WWOX: variants seen among roughly 807,000 people sequenced by gnomAD.
WWOX encodes WW domain containing oxidoreductase, also known as WW domain-containing oxidoreductase.
A neutral mutation model predicts 46.2 loss-of-function variants in WWOX; 69 were observed. The observed-to-expected ratio is 1.49, with a 90% CI of 1.23 to 1.82. The LOEUF is 1.82. WWOX is among the 40% of genes most tolerant of loss of function. The pLI is 0.00. For missense variants in WWOX, 919 were observed against 542.6 expected, an observed-to-expected ratio of 1.69 and a Z score of -6.89; for synonymous variants, 359 against 202.6, an observed-to-expected ratio of 1.77 and a Z score of -6.56.
At chr16:78,530,162 G>A (rs2043586893) in intron 8 of WWOX, among the ~76,000 whole-genome samples, 1 of 152,166 alleles carries the variant, frequency 6.6e-6, no homozygotes, top group African/African-American at 2.4e-5. Flanking sequence ...CCCTGGGATA[G>A]CATCTGGCAG....
rs76227623 is a variant in WWOX, at chr16:78,800,729, C to T, written c.1056+367977C>T. Among the ~76,000 whole-genome samples, 1,510 of 152,226 alleles carry T rather than the reference C, an allele frequency of 9.9e-3. 25 individuals are homozygous for T. The highest frequency in any genetic ancestry group is 0.034 in the African/African-American group (1,426 of 41,518). On this transcript the variant is annotated intron_variant, in intron 8 of 8. Coordinates refer to ENST00000566780, the MANE Select transcript of WWOX (RefSeq NM_016373.4). ...CCTCTTTTCAGAATGAGGGAATTGT[C>T]TAAAATCCCAAATGCATTCTTAGCT...
At chr16:78,327,784 A>T (rs79229045) in intron 5 of WWOX, among the ~76,000 whole-genome samples, 3 of 151,952 alleles carry the variant, frequency 2.0e-5, no homozygotes, top group Non-Finnish European at 4.4e-5. Context: ...TCTTTGTACA[A>T]AGTGCTTCTG....
chr16:79,132,602 T>A (rs1352874677), intron 8 of WWOX, among the ~76,000 whole-genome samples: 1 of 152,192 alleles, frequency 6.6e-6, no homozygotes, highest in African/African-American at 2.4e-5. Flanking sequence ...TCTGTGTCTC[T>A]CTTTTTCCCT....
intron 6 of WWOX, among the ~76,000 whole-genome samples, chr16:78,412,100 T>C (rs902964318): frequency 2.0e-5 from 3 of 152,112 alleles, no homozygotes; most frequent in Non-Finnish European, 2.9e-5. Flanking sequence ...AGTGCCTACC[T>C]CTGTGGAGAA....
chr16:78,136,491 G>T (rs950190025), intron 4 of WWOX, among the ~76,000 whole-genome samples: 6 of 152,130 alleles, frequency 3.9e-5, no homozygotes, highest in African/African-American at 1.4e-4. Context: ...GGGCCTGTGA[G>T]CTCTTTCAAA....
intron 8 of WWOX, among the ~76,000 whole-genome samples, chr16:78,695,538 C>G (rs544699097): frequency 6.6e-6 from 1 of 152,156 alleles, no homozygotes; most frequent in African/African-American, 2.4e-5. Context: ...GCAGATCCCA[C>G]CTGTGAGGCT....
chr16:78,386,805 C>G (rs1431370422), intron 5 of WWOX, 55 bp from the exon 6 acceptor site: 6 of 1,481,110 alleles, frequency 4.1e-6, no homozygotes, highest in East Asian at 2.3e-5. Flanking sequence ...TAACTTGATA[C>G]CATGAACTAC....
intron 8 of WWOX, among the ~76,000 whole-genome samples, chr16:78,926,031 A>G (rs1460512409): frequency 6.6e-6 from 1 of 152,206 alleles, no homozygotes; most frequent in African/African-American, 2.4e-5. Context: ...TCTATGAACA[A>G]TTCTGGAGAC....
At chr16:78,607,123 GATTTT>G (rs2151625540) in intron 8 of WWOX, among the ~76,000 whole-genome samples, 1 of 152,002 alleles carries the variant, frequency 6.6e-6, no homozygotes, top group South Asian at 2.1e-4. Context: ...ATGAAAAGTT[GATTTT>G]ATTAATTAGT....
intron 8 of WWOX, among the ~76,000 whole-genome samples, chr16:78,618,216 C>G (rs374975310): frequency 2.0e-5 from 3 of 152,214 alleles, no homozygotes; most frequent in African/African-American, 7.2e-5. Flanking sequence ...GCTCTCCAAC[C>G]TCTGTCCATC....
intron 8 of WWOX, among the ~76,000 whole-genome samples, chr16:78,674,358 C>T (rs942184092): frequency 2.7e-5 from 4 of 150,658 alleles, no homozygotes; most frequent in Non-Finnish European, 4.4e-5. Context: ...GATCTTGGCT[C>T]ACTGCAACCT....
intron 8 of WWOX, among the ~76,000 whole-genome samples, chr16:78,687,483 A>C (rs1012340715): frequency 3.9e-5 from 6 of 152,200 alleles, no homozygotes; most frequent in African/African-American, 1.4e-4. Flanking sequence ...ACACCATTTT[A>C]TGATGCAGCT....
intron 8 of WWOX, among the ~76,000 whole-genome samples, chr16:79,048,674 A>C (rs1243848386): frequency 6.6e-6 from 1 of 152,178 alleles, no homozygotes; most frequent in Non-Finnish European, 1.5e-5. Context: ...ATTTGAGTAA[A>C]TTAAACTTTG....
intron 8 of WWOX, among the ~76,000 whole-genome samples, chr16:78,964,360 C>T (rs537926317): frequency 6.6e-6 from 1 of 152,226 alleles, no homozygotes; most frequent in East Asian, 1.9e-4. Flanking sequence ...AGATGAGGAG[C>T]TCGTTGGGAA....
At chr16:78,485,649 G>T (rs920618449) in intron 8 of WWOX, among the ~76,000 whole-genome samples, 2 of 152,184 alleles carry the variant, frequency 1.3e-5, no homozygotes, top group Non-Finnish European at 2.9e-5. Flanking sequence ...TGCCCGCCGC[G>T]TGAAGGACAT....
rs2081049486 is a variant in WWOX, at chr16:78,343,517, G to T, written c.517-43343G>T. On this transcript the variant is annotated intron_variant, in intron 5 of 8. Coordinates refer to ENST00000566780, the MANE Select transcript of WWOX (RefSeq NM_016373.4). ...TCATGTAAGGTGATGCTCTGAGCTGGGTCTTAAAGCTTCTGGGCACAGCCC... is the reference window on the plus strand; with the variant it reads ...TCATGTAAGGTGATGCTCTGAGCTGTGTCTTAAAGCTTCTGGGCACAGCCC... Among the ~76,000 whole-genome samples, 2 of 120,622 alleles carry T rather than the reference G, an allele frequency of 1.7e-5. 1 individual carries two copies. The highest frequency in any genetic ancestry group is 5.0e-4 in the South Asian group (2 of 4,014). 79.1% of individuals were successfully genotyped at this position (120,622 alleles called of 152,430 possible). A position where few individuals can be genotyped will look rare whatever the true frequency, so the allele number is the denominator to read the frequency against.
At chr16:78,855,387 G>C in intron 8 of WWOX, among the ~76,000 whole-genome samples, 1 of 149,062 alleles carries the variant, frequency 6.7e-6, no homozygotes, top group African/African-American at 2.5e-5. Context: ...TTGCGGGGAG[G>C]AAAAAAAAAC....
intron 8 of WWOX, chr16:78,506,348 G>A (rs2085203426): frequency 6.6e-6 from 1 of 152,198 alleles, no homozygotes; most frequent in Non-Finnish European, 1.5e-5. Flanking sequence ...CTATAAAAAT[G>A]AAGAGCAGAG....
rs1298823612 is a variant in WWOX, at chr16:78,796,789, C to T, written c.1056+364037C>T. On this transcript the variant is annotated intron_variant, in intron 8 of 8. Coordinates refer to ENST00000566780, the MANE Select transcript of WWOX (RefSeq NM_016373.4). ...CATTGCTGTGTGAGCTCTGGCTGGT[C>T]AGTAAGAACCTTTGATCCCATGTTT... Among the ~76,000 whole-genome samples, 4 of 151,564 alleles carry T rather than the reference C, an allele frequency of 2.6e-5. No homozygotes were observed. The East Asian group carries it at 7.8e-4, about 29-fold the overall frequency.
Sources: gnomAD v4.1 joint callset for allele counts (sites outside exome capture counted in the v4.1 genomes callset) on GRCh38, gnomAD v4.1.1 for gene constraint, MANE v1.5 for transcripts, NCBI Gene and HGNC (gene_info 2026-07-23, HGNC 2026-07-21) for gene names.